The following CTNNA3 variants were observed in gnomAD, a reference collection of about 807,000 sequenced individuals.
CTNNA3 encodes catenin alpha 3.
Under a neutral mutation model 95.7 loss-of-function variants are expected in CTNNA3, and 76 were observed. The observed-to-expected ratio is 0.79, with a 90% CI of 0.66 to 0.96. CTNNA3 has a LOEUF of 0.96. CTNNA3 is among the 40% of genes least tolerant of loss of function. CTNNA3 has a pLI of 0.00. For synonymous variants in CTNNA3, 431 were observed against 374.4 expected, an observed-to-expected ratio of 1.15 and a Z score of -1.74; for missense variants, 1,191 against 1,089.8, an observed-to-expected ratio of 1.09 and a Z score of -1.31.
intron 7 of CTNNA3, among the ~76,000 whole-genome samples, chr10:66,851,725 C>T (rs1843504796): frequency 6.6e-6 from 1 of 151,804 alleles, no homozygotes; most frequent in African/African-American, 2.4e-5. Context: ...GTAATCTTCC[C>T]ATGGCCTTAC....
intron 11 of CTNNA3, among the ~76,000 whole-genome samples, chr10:66,460,562 AGCAT>A (rs907366661): frequency 2.0e-5 from 3 of 152,024 alleles, no homozygotes; most frequent in African/African-American, 7.2e-5. Context: ...AACTTTCTAT[AGCAT>A]GCACATCCCT....
chr10:67,205,027 T>C (rs1863826800), intron 6 of CTNNA3, among the ~76,000 whole-genome samples: 2 of 152,186 alleles, frequency 1.3e-5, no homozygotes, highest in South Asian at 2.1e-4. Flanking sequence ...TGGCTGGTAA[T>C]TGTTTATGTC....
chr10:67,620,104 G>A (rs895038676), intron 2 of CTNNA3, among the ~76,000 whole-genome samples: 1 of 152,128 alleles, frequency 6.6e-6, no homozygotes, highest in African/African-American at 2.4e-5. Flanking sequence ...CACAGATAAT[G>A]CCAGATACTG....
At chr10:67,472,486 T>C (rs893994332) in intron 5 of CTNNA3, among the ~76,000 whole-genome samples, 2 of 152,170 alleles carry the variant, frequency 1.3e-5, no homozygotes, top group Non-Finnish European at 2.9e-5. Context: ...CTAATTATAA[T>C]GCATTAGCAT....
intron 11 of CTNNA3, among the ~76,000 whole-genome samples, chr10:66,495,385 G>A (rs1467589879): frequency 2.0e-5 from 3 of 152,030 alleles, no homozygotes; most frequent in East Asian, 3.9e-4. Flanking sequence ...TAGCCATAAC[G>A]AGATATAGGC....
intron 13 of CTNNA3, among the ~76,000 whole-genome samples, chr10:66,255,319 C>T (rs980469303): frequency 2.0e-5 from 3 of 152,026 alleles, no homozygotes; most frequent in South Asian, 2.1e-4. Flanking sequence ...CTTATAGTGC[C>T]GTATCTAAAC....
intron 7 of CTNNA3, among the ~76,000 whole-genome samples, chr10:67,062,931 C>A (rs1158791322): frequency 6.6e-6 from 1 of 152,110 alleles, no homozygotes; most frequent in East Asian, 1.9e-4. Flanking sequence ...CAATTTCCTG[C>A]AGTTTTTTTA....
At chr10:67,629,140 T>C (rs1184301628) in intron 2 of CTNNA3, among the ~76,000 whole-genome samples, 1 of 152,178 alleles carries the variant, frequency 6.6e-6, no homozygotes, top group Admixed American at 6.5e-5. Context: ...ATTATTTTTA[T>C]GTTTTGTTCT....
chr10:66,156,897 C>T (rs780482575), intron 13 of CTNNA3, among the ~76,000 whole-genome samples: 1 of 151,804 alleles, frequency 6.6e-6, no homozygotes, highest in East Asian at 1.9e-4. Flanking sequence ...TAGGGCATTG[C>T]CTTGTTCTGA....
chr10:66,096,415 T>A (rs925365539), intron 14 of CTNNA3, among the ~76,000 whole-genome samples: 5 of 152,140 alleles, frequency 3.3e-5, no homozygotes, highest in African/African-American at 9.7e-5. Flanking sequence ...CCAACATGCA[T>A]CCAATAAATA....
intron 3 of CTNNA3, among the ~76,000 whole-genome samples, chr10:67,557,656 A>G (rs1370203576): frequency 6.6e-6 from 1 of 152,224 alleles, no homozygotes; most frequent in Non-Finnish European, 1.5e-5. Flanking sequence ...TCAGTTTCAA[A>G]TAACAGAATC....
At chr10:67,582,670 C>G (rs997336680) in intron 3 of CTNNA3, among the ~76,000 whole-genome samples, 2 of 151,086 alleles carry the variant, frequency 1.3e-5, no homozygotes, top group Non-Finnish European at 3.0e-5. Context: ...GTTTAAGTCT[C>G]CCATTATTAT....
intron 13 of CTNNA3, among the ~76,000 whole-genome samples, chr10:66,229,923 C>T (rs1484262731): frequency 4.6e-5 from 7 of 151,384 alleles, no homozygotes; most frequent in Admixed American, 1.3e-4. Context: ...TTCTGTTTTT[C>T]TTTTCTTTTC....
intron 17 of CTNNA3, among the ~76,000 whole-genome samples, chr10:65,952,464 C>T (rs1414283232): frequency 6.6e-6 from 1 of 151,862 alleles, no homozygotes; most frequent in Non-Finnish European, 1.5e-5. Flanking sequence ...CTTTCCCTTT[C>T]TTCATTTCTT....
At chr10:66,389,488 A>G (rs1432381202) in intron 11 of CTNNA3, among the ~76,000 whole-genome samples, 1 of 152,084 alleles carries the variant, frequency 6.6e-6, no homozygotes, top group Non-Finnish European at 1.5e-5. Flanking sequence ...ATTTCTATCA[A>G]TCATTTTTAT....
At chr10:67,327,700 C>A (rs185189045) in intron 5 of CTNNA3, among the ~76,000 whole-genome samples, 1 of 152,282 alleles carries the variant, frequency 6.6e-6, no homozygotes, top group Non-Finnish European at 1.5e-5. Context: ...ACAGTGGGAC[C>A]CATTCTTGCT....
At chr10:67,661,382 CCTTT>C (rs1257082018) in intron 1 of CTNNA3, among the ~76,000 whole-genome samples, 1 of 151,794 alleles carries the variant, frequency 6.6e-6, no homozygotes, top group Non-Finnish European at 1.5e-5. Flanking sequence ...GAATGTTGGC[CCTTT>C]CTTCACATCA....
chr10:66,014,211 G>T (rs1356327646), intron 15 of CTNNA3, among the ~76,000 whole-genome samples: 1 of 152,056 alleles, frequency 6.6e-6, no homozygotes, highest in African/African-American at 2.4e-5. Flanking sequence ...ACAGAAACGT[G>T]TTTTGGGTGC....
At chr10:66,690,988 C>A (rs1290791051) in intron 9 of CTNNA3, among the ~76,000 whole-genome samples, 3 of 152,140 alleles carry the variant, frequency 2.0e-5, no homozygotes, top group Admixed American at 2.0e-4. Context: ...GCCAAGATGG[C>A]CGAATAGGAA....
Sources: gnomAD v4.1 joint callset for allele counts (sites outside exome capture counted in the v4.1 genomes callset) on GRCh38, gnomAD v4.1.1 for gene constraint, MANE v1.5 for transcripts, NCBI Gene and HGNC (gene_info 2026-07-23, HGNC 2026-07-21) for gene names.